ROBO2: variants seen among roughly 807,000 people sequenced by gnomAD.
ROBO2 encodes roundabout homolog 2.
In ROBO2, 53 loss-of-function variants were observed where a neutral mutation model predicts 160.8. The ratio of observed to expected loss-of-function variants is 0.33; its 90% CI spans 0.26 to 0.41. The LOEUF is 0.41. Among genes scored for constraint, ROBO2 ranks in the 10% least tolerant of loss-of-function variants. The probability of loss-of-function intolerance (pLI) is 1.00; values close to 1 mark genes in which losing one functional copy is unlikely to be tolerated. For missense variants in ROBO2, 1,577 were observed against 1,722.4 expected, an observed-to-expected ratio of 0.92 and a Z score of 1.49; for synonymous variants, 664 against 611.7, an observed-to-expected ratio of 1.09 and a Z score of -1.26.
intron 2 of ROBO2, among the ~76,000 whole-genome samples, chr3:76,345,144 G>C (rs1013680327): frequency 6.6e-6 from 1 of 152,038 alleles, no homozygotes; most frequent in Non-Finnish European, 1.5e-5. Context: ...AAAAAGAAAA[G>C]AACTTAGGAT....
chr3:76,369,620 T>C (rs1390924740), intron 2 of ROBO2, among the ~76,000 whole-genome samples: 1 of 151,932 alleles, frequency 6.6e-6, no homozygotes, highest in Non-Finnish European at 1.5e-5. Flanking sequence ...ATTTATTGTA[T>C]CTTTTCGGCA....
At chr3:76,934,586 C>T (rs1279744036) in intron 2 of ROBO2, among the ~76,000 whole-genome samples, 2 of 152,082 alleles carry the variant, frequency 1.3e-5, no homozygotes, top group Middle Eastern at 3.4e-3. Flanking sequence ...ACCAAAAATA[C>T]AAAAATTAGC....
At chr3:77,498,718 C>A (rs2153605015) in intron 5 of ROBO2, among the ~76,000 whole-genome samples, 1 of 151,690 alleles carries the variant, frequency 6.6e-6, no homozygotes, top group Middle Eastern at 3.4e-3. Flanking sequence ...AGAGCATGTG[C>A]TTCTGGGACA....
intron 2 of ROBO2, among the ~76,000 whole-genome samples, chr3:76,574,141 A>G (rs2085137469): frequency 6.6e-6 from 1 of 152,136 alleles, no homozygotes; most frequent in Non-Finnish European, 1.5e-5. Context: ...AACAATAAAT[A>G]TCTGTTTATT....
At chr3:76,549,114 G>A (rs189384328) in intron 2 of ROBO2, among the ~76,000 whole-genome samples, 100 of 152,176 alleles carry the variant, frequency 6.6e-4, no homozygotes, top group Admixed American at 1.2e-3. Flanking sequence ...GTTGGGGTGC[G>A]AGAAGAATAT....
chr3:76,118,898 T>C (rs557372864), intron 2 of ROBO2, among the ~76,000 whole-genome samples: 1 of 152,294 alleles, frequency 6.6e-6, no homozygotes, highest in South Asian at 2.1e-4. Flanking sequence ...GTTTCTGTGC[T>C]GTTGAAGAAT....
chr3:77,058,756 T>A (rs1296164274), intron 1 of ROBO2, among the ~76,000 whole-genome samples: 2 of 151,928 alleles, frequency 1.3e-5, no homozygotes, highest in Non-Finnish European at 2.9e-5. Flanking sequence ...CAGGCTGGTC[T>A]CCAACTCCTG....
intron 2 of ROBO2, among the ~76,000 whole-genome samples, chr3:76,353,258 GTT>G (rs1412210024): frequency 6.6e-6 from 1 of 151,918 alleles, no homozygotes; most frequent in Non-Finnish European, 1.5e-5. Context: ...GAGCGAGAGA[GTT>G]TTATGTCATG....
chr3:76,551,397 AT>A (rs2083411769), intron 2 of ROBO2, among the ~76,000 whole-genome samples: 1 of 152,136 alleles, frequency 6.6e-6, no homozygotes, highest in South Asian at 2.1e-4. Context: ...CTGTTGCTCA[AT>A]GAAGCTCCTT....
At chr3:76,264,293 C>T (rs1706958232) in intron 2 of ROBO2, among the ~76,000 whole-genome samples, 1 of 150,984 alleles carries the variant, frequency 6.6e-6, no homozygotes, top group Admixed American at 6.6e-5. Context: ...AGTAATATTA[C>T]CCAACAGTGA....
At chr3:77,075,556 T>C (rs2067881131) in intron 1 of ROBO2, among the ~76,000 whole-genome samples, 1 of 151,704 alleles carries the variant, frequency 6.6e-6, no homozygotes, top group Non-Finnish European at 1.5e-5. Flanking sequence ...CAGATGAGAA[T>C]AACTAACAGA....
chr3:77,550,687 TTCTGAACCATATATATTTTAA>T, intron 7 of ROBO2, 110 bp from the exon 9 acceptor site: 1 of 977,848 alleles, frequency 1.0e-6, no homozygotes, highest in Non-Finnish European at 1.6e-6. Flanking sequence ...ATTTAAACAT[TTCTGAACCATATATATTTTAA>T]TCTGTGTATT....
In ROBO2 at chr3:76,014,678, C is replaced by G. The variant is rs185170229; in HGVS notation, c.109+77076C>G. Among the ~76,000 whole-genome samples the G allele has an allele frequency of 9.5e-4, 145 of 152,206 alleles. 1 individual carries two copies. Among genetic ancestry groups the G allele is most frequent in the East Asian group, 7.2e-3 (37 of 5,166 alleles). ...CACGGTGGCTTATGCATGTAATCCC[C>G]GCACTTTGGGAGGCCCAGGTGGGAT... On this transcript the variant is annotated intron_variant, in intron 2 of 26. Transcript: ENST00000487694.
intron 2 of ROBO2, among the ~76,000 whole-genome samples, chr3:76,425,887 A>G (rs760979149): frequency 4.6e-5 from 7 of 152,164 alleles, no homozygotes; most frequent in Non-Finnish European, 1.0e-4. Context: ...AGCTGTACTA[A>G]GGACAAAGAC....
chr3:77,539,172 G>T (rs1381885916), intron 6 of ROBO2, among the ~76,000 whole-genome samples: 1 of 152,024 alleles, frequency 6.6e-6, no homozygotes, highest in African/African-American at 2.4e-5. Flanking sequence ...CACCCGCCTC[G>T]GCCTCCCAAA....
intron 2 of ROBO2, among the ~76,000 whole-genome samples, chr3:75,961,573 G>A (rs1440360756): frequency 6.6e-6 from 1 of 151,566 alleles, no homozygotes; most frequent in East Asian, 2.0e-4. Flanking sequence ...CTTTATAAAG[G>A]GTGTAGCATT....
At chr3:76,250,159 T>C (rs569631754) in intron 2 of ROBO2, among the ~76,000 whole-genome samples, 28 of 152,152 alleles carry the variant, frequency 1.8e-4, no homozygotes, top group African/African-American at 4.6e-4. Flanking sequence ...CAGAAAAATA[T>C]ACAAAAACAA....
intron 2 of ROBO2, among the ~76,000 whole-genome samples, chr3:76,305,017 A>G (rs559710147): frequency 6.6e-6 from 1 of 151,992 alleles, no homozygotes; most frequent in South Asian, 2.1e-4. Context: ...CCTTGGAAGC[A>G]TAAGAATATA....
chr3:77,419,593 C>T (rs1305426687), intron 2 of ROBO2, among the ~76,000 whole-genome samples: 3 of 152,160 alleles, frequency 2.0e-5, no homozygotes, highest in Admixed American at 1.3e-4. Flanking sequence ...CTTTCTGCTT[C>T]TGCCTTCTGC....
Sources: gnomAD v4.1 joint callset for allele counts (sites outside exome capture counted in the v4.1 genomes callset) on GRCh38, gnomAD v4.1.1 for gene constraint, MANE v1.5 for transcripts, NCBI Gene and HGNC (gene_info 2026-07-23, HGNC 2026-07-21) for gene names.